PPP4R2: variants seen among roughly 807,000 people sequenced by gnomAD.
The protein encoded by PPP4R2 is protein phosphatase 4 regulatory subunit 2, also known as serine/threonine-protein phosphatase 4 regulatory subunit 2.
A neutral mutation model predicts 47.2 loss-of-function variants in PPP4R2; 13 were observed. That is an observed-to-expected ratio of 0.28 (90% CI 0.18 to 0.44). PPP4R2 has a LOEUF of 0.44. Ranked by LOEUF, PPP4R2 falls within the 20% of genes least tolerant of loss-of-function variation. The pLI is 1.00. For missense variants in PPP4R2, 421 were observed against 491.2 expected, an observed-to-expected ratio of 0.86 and a Z score of 1.35; for synonymous variants, 151 against 163.3, an observed-to-expected ratio of 0.92 and a Z score of 0.57.
At chr3:73,042,082 A>G (rs1459247176) in intron 2 of PPP4R2, among the ~76,000 whole-genome samples, 2 of 152,216 alleles carry the variant, frequency 1.3e-5, no homozygotes, top group Admixed American at 6.5e-5. Context: ...GATTAATTTC[A>G]GTACATTATT....
Position 73,065,763 on chromosome 3 carries a change from C to T in PPP4R2, c.*41C>T. 2 of 1,362,950 alleles carry T rather than the reference C, an allele frequency of 1.5e-6. No individual in the cohort carries two copies. Among genetic ancestry groups the T allele is most frequent in the Non-Finnish European group, 1.0e-6 (1 of 995,440 alleles). The allele number at this position is 1,362,950 out of a possible 1,614,324, so 84.4% of individuals were successfully genotyped here. On this transcript the variant is annotated 3_prime_UTR_variant, in exon 9 of 9. Transcript: ENST00000356692. ...TAGATGCAGTATTTTACATACAGTT[C>T]TGGTTTTAACACTGTATAAAACTTT...
chr3:72,997,257 C>T lies in PPP4R2; in HGVS notation c.34+186C>T, dbSNP rs995782169. On this transcript the variant is annotated intron_variant, in intron 1 of 8. Coordinates refer to ENST00000356692, the MANE Select transcript of PPP4R2 (RefSeq NM_174907.4). Reference sequence around the variant, plus strand: ...GTGGGCAGCTCTCTCCCGCCCCGCTCTGGCTTTGTGTCGGCCGCCGGCGTC... The same window carrying T: ...GTGGGCAGCTCTCTCCCGCCCCGCTTTGGCTTTGTGTCGGCCGCCGGCGTC... The T allele has an allele frequency of 6.9e-6, 3 of 432,074 alleles. No homozygotes were observed. The South Asian group carries it at 3.8e-4, about 54-fold the overall frequency. The allele number at this position is 432,074 out of a possible 1,614,324, so 26.8% of individuals were successfully genotyped here.
At position 73,061,142 on chromosome 3, in the gene PPP4R2, A is replaced by T. The variant is rs914675358; in HGVS notation, c.419+82A>T. On this transcript the variant is annotated intron_variant, in intron 5 of 8. Coordinates refer to ENST00000356692, the MANE Select transcript of PPP4R2 (RefSeq NM_174907.4). The stretch of plus-strand genomic sequence containing the variant: ...GCTTCTAATATATTATTCTTAAAAT[A>T]GACTGAATTTATTTAATATGTAATT... The T allele has an allele frequency of 9.4e-5, 58 of 613,808 alleles. No individual in the cohort carries two copies. In the African/African-American group the frequency reaches 9.9e-4, roughly 10 times the overall value. The allele number at this position is 613,808 out of a possible 1,614,324, so 38.0% of individuals were successfully genotyped here. A position where few individuals can be genotyped will look rare whatever the true frequency, so the allele number is the denominator to read the frequency against.
chr3:73,065,956 G>A lies in PPP4R2; in HGVS notation c.*234G>A, dbSNP rs1433340959. 6.5e-6 allele frequency: 2 copies of A among 309,790 alleles called. No homozygotes were observed. Among genetic ancestry groups the A allele is most frequent in the Non-Finnish European group, 1.2e-5 (2 of 171,226 alleles). The allele number at this position is 309,790 out of a possible 1,614,324, so 19.2% of individuals were successfully genotyped here. On this transcript the variant is annotated 3_prime_UTR_variant, in exon 9 of 9. Transcript: ENST00000356692. ...TTCTTTCTTTCTTTTTTTGGTCTGG[G>A]CAAATCAGTGGTTTGTGTATAGATT...
intron 5 of PPP4R2, chr3:73,063,004 C>T: frequency 1.9e-6 from 2 of 1,053,018 alleles, no homozygotes; most frequent in Non-Finnish European, 2.8e-6. Flanking sequence ...TCTGAGATCC[C>T]AGTCTTTGAG....
In PPP4R2 at chr3:73,036,172, T is replaced by C. The variant is rs866592019; in HGVS notation, c.117-11014T>C. Among the ~76,000 whole-genome samples, 6 of 152,216 alleles carry C rather than the reference T, an allele frequency of 3.9e-5. No individual in the cohort carries two copies. In the Middle Eastern group the frequency reaches 0.014, roughly 345 times the overall value. ...GAAAGACAAATATCACATGTTCTCA[T>C]GCATTATGTTGGAGCTAAAAAAGTT... On this transcript the variant is annotated intron_variant, in intron 2 of 8. Transcript: ENST00000356692.
intron 2 of PPP4R2, among the ~76,000 whole-genome samples, chr3:73,003,087 C>T (rs1701513153): frequency 6.6e-6 from 1 of 151,422 alleles, no homozygotes; most frequent in Non-Finnish European, 1.5e-5. Context: ...GCGAATATTA[C>T]TGCCACCAAT....
At chr3:73,008,236 C>G (rs527961400) in intron 2 of PPP4R2, among the ~76,000 whole-genome samples, 8 of 152,296 alleles carry the variant, frequency 5.3e-5, no homozygotes, top group African/African-American at 1.7e-4. Context: ...CAGTGGTACA[C>G]AGAGGAAGCA....
Position 72,997,009 on chromosome 3 carries a change from G to C in PPP4R2, c.-29G>C, listed in dbSNP as rs1248062974. 3 of 1,373,736 alleles carry C rather than the reference G, an allele frequency of 2.2e-6. No homozygotes were observed. Among genetic ancestry groups the C allele is most frequent in the Non-Finnish European group, 2.9e-6 (3 of 1,048,110 alleles). 85.1% of individuals were successfully genotyped at this position (1,373,736 alleles called of 1,614,324 possible). On this transcript the variant is annotated 5_prime_UTR_variant, in exon 1 of 9. Transcript: ENST00000356692. ...GTCCCCAAGAGACCCGCGGAGGGAG[G>C]CGGAGGCTGTGAGGGACTCCGGGAA...
At position 73,067,800 on chromosome 3, in the gene PPP4R2, A is replaced by C. The variant is rs756269251; in HGVS notation, c.*2078A>C. The C allele has an allele frequency of 6.6e-6, 1 of 152,210 alleles. No homozygotes were observed. Among genetic ancestry groups the C allele is most frequent in the Admixed American group, 6.5e-5 (1 of 15,282 alleles). The allele number at this position is 152,210 out of a possible 1,614,324, so 9.4% of individuals were successfully genotyped here. A position where few individuals can be genotyped will look rare whatever the true frequency, so the allele number is the denominator to read the frequency against. On this transcript the variant is annotated 3_prime_UTR_variant, in exon 9 of 9. Transcript: ENST00000356692. ...TCTGTGGTTTTATTTGTAAACTTGC[A>C]ATTGCTATATTTGCAAGGGCAAATG...
chr3:73,001,574 A>C (rs1313122501), intron 2 of PPP4R2, among the ~76,000 whole-genome samples: 1 of 152,190 alleles, frequency 6.6e-6, no homozygotes, highest in African/African-American at 2.4e-5. Flanking sequence ...ACCTTGTCTC[A>C]AACACACACA....
At chr3:73,004,943 TCG>T (rs1701569974) in intron 2 of PPP4R2, among the ~76,000 whole-genome samples, 2 of 80,712 alleles carry the variant, frequency 2.5e-5, no homozygotes, top group African/African-American at 5.8e-5. Flanking sequence ...TGAGTCGGAG[TCG>T]TGTGTGTGTG....
intron 2 of PPP4R2, among the ~76,000 whole-genome samples, chr3:73,039,555 T>TGGGGA (rs1252698077): frequency 1.3e-5 from 2 of 151,972 alleles, no homozygotes; most frequent in African/African-American, 4.8e-5. Flanking sequence ...TTTAGAGAGG[T>TGGGGA]GGGGAATGGG....
intron 2 of PPP4R2, among the ~76,000 whole-genome samples, chr3:73,004,865 GTGTGTTTGTTTGTTTGTT>G (rs1344271537): frequency 1.5e-4 from 8 of 51,686 alleles, no homozygotes; most frequent in South Asian, 4.7e-4. Context: ...GTGTGTGTGT[GTGTGTTTGTTTGTTTGTT>G]TGTGTGTGTG....
chr3:73,018,775 C>A (rs1383570585), intron 2 of PPP4R2, among the ~76,000 whole-genome samples: 1 of 152,174 alleles, frequency 6.6e-6, no homozygotes, highest in Non-Finnish European at 1.5e-5. Flanking sequence ...GGGATACCTT[C>A]AACTTGTCTT....
In PPP4R2 at chr3:73,052,770, T is replaced by C. The variant is rs550984884; in HGVS notation, c.287+5414T>C. 2.8e-3 allele frequency among the ~76,000 whole-genome samples: 430 copies of C among 152,330 alleles called. 2 individuals are homozygous for C. The highest frequency in any genetic ancestry group is 5.0e-3 in the Non-Finnish European group (340 of 68,024). ...TCTCTAAAGTAGGCAGTCGGCCTCCTCACTCTGTGAATAGTAAACTAAAAT... is the reference window on the plus strand; with the variant it reads ...TCTCTAAAGTAGGCAGTCGGCCTCCCCACTCTGTGAATAGTAAACTAAAAT... On this transcript the variant is annotated intron_variant, in intron 3 of 8. Transcript: ENST00000356692.
intron 2 of PPP4R2, chr3:73,015,006 A>T (rs1336307301): frequency 3.0e-6 from 2 of 672,522 alleles, no homozygotes; most frequent in Non-Finnish European, 5.4e-6. Flanking sequence ...ACCCAGTCGT[A>T]ATTTTTTTTC....
intron 3 of PPP4R2, among the ~76,000 whole-genome samples, chr3:73,049,240 T>C (rs531571694): frequency 1.3e-5 from 2 of 151,812 alleles, no homozygotes; most frequent in East Asian, 3.9e-4. Context: ...GGCTCACGCC[T>C]GTAATCCCAG....
At chr3:73,028,893 A>G (rs6798346) in intron 2 of PPP4R2, among the ~76,000 whole-genome samples, 59,987 of 152,066 alleles carry the variant, frequency 0.39, 12,326 homozygotes, top group African/African-American at 0.46. Flanking sequence ...ATGTAGGGCA[A>G]TGTGGAGCAC....
Sources: gnomAD v4.1 joint callset for allele counts (sites outside exome capture counted in the v4.1 genomes callset) on GRCh38, gnomAD v4.1.1 for gene constraint, MANE v1.5 for transcripts, NCBI Gene and HGNC (gene_info 2026-07-23, HGNC 2026-07-21) for gene names.